Variants in AK3 observed in about 807,000 individuals in gnomAD.
AK3 encodes the protein GTP:AMP phosphotransferase AK3, mitochondrial.
In AK3, 27 loss-of-function variants were observed where a neutral mutation model predicts 23.7. The observed-to-expected ratio is 1.14, with a 90% CI of 0.84 to 1.57. AK3 has a LOEUF of 1.57. AK3 is among the 40% of genes most tolerant of loss of function. The pLI is 0.00. For synonymous variants in AK3, 159 were observed against 116.0 expected (o/e 1.37, Z -2.38); for missense variants, 406 against 285.6 (o/e 1.42, Z -3.04).
chr9:4,717,961 T>G (rs185604423), intron 4 of AK3, among the ~76,000 whole-genome samples: 20 of 152,324 alleles, frequency 1.3e-4, no homozygotes, highest in Admixed American at 1.3e-3. Flanking sequence ...GTGGAATCCT[T>G]CCCACCCCAA....
upstream of AK3, chr9:4,741,827 GGACCGCCAGA>G (rs1842442098): frequency 2.2e-5 from 3 of 139,364 alleles, no homozygotes; most frequent in Admixed American, 7.0e-5. Context: ...CTACCCCCCT[GGACCGCCAGA>G]CCCCCCGCTT....
rs1044100768 is a variant in AK3 at position 4,721,607 on chromosome 9, C to T, written c.271+899G>A. On this transcript the variant is annotated intron_variant, in intron 2 of 4. Coordinates refer to ENST00000381809, the MANE Select transcript of AK3 (RefSeq NM_016282.4). ...CCGAGTAGCTAGGGTTACAGGTGTG[C>T]GCCATCACGCCCGGCTAATTTTTGT... 4.6e-5 allele frequency among the ~76,000 whole-genome samples: 7 copies of T among 152,022 alleles called. No homozygotes were observed. The East Asian group carries it at 9.8e-4, about 21-fold the overall frequency.
rs192280404 is a variant in AK3 at position 4,717,524 on chromosome 9, C to T, written c.563+895G>A. Among the ~76,000 whole-genome samples the T allele has an allele frequency of 1.1e-3, 171 of 152,302 alleles. 1 individual carries two copies. The highest frequency in any genetic ancestry group is 1.9e-3 in the Non-Finnish European group (128 of 68,030). On this transcript the variant is annotated intron_variant, in intron 4 of 4. Coordinates refer to ENST00000381809, the MANE Select transcript of AK3 (RefSeq NM_016282.4). ...AATGTGGTGGGCAATATTAAGTTTG[C>T]CTCCCCAGCATTCATTCCAGCCCTG...
At position 4,739,242 on chromosome 9, in the gene AK3, G is replaced by C. The variant is rs148745348; in HGVS notation, c.151+1695C>G. ...GAGATGGGGTCTTGCTCAGGCTGGA[G>C]TGCAGCGTTGCAATCTCGACTCACA... On this transcript the variant is annotated intron_variant, in intron 1 of 4. Transcript: ENST00000381809. Among the ~76,000 whole-genome samples, 215 of 151,750 alleles carry C rather than the reference G, an allele frequency of 1.4e-3. 1 individual carries two copies. In the Middle Eastern group the frequency reaches 0.034, roughly 24 times the overall value.
chr9:4,731,127 T>G (rs1842143259), intron 1 of AK3, among the ~76,000 whole-genome samples: 1 of 152,224 alleles, frequency 6.6e-6, no homozygotes, highest in African/African-American at 2.4e-5. Flanking sequence ...GTTTTATAAT[T>G]TCTATTATAA....
At chr9:4,715,391 C>CTT (rs35400602) in intron 4 of AK3, among the ~76,000 whole-genome samples, 51,494 of 126,920 alleles carry the variant, frequency 0.41, 13,116 homozygotes, top group African/African-American at 0.7. Context: ...TCCCTTACTA[C>CTT]TTTTTTTTTT....
At chr9:4,738,238 TCGCTG>T (rs1842342328) in intron 1 of AK3, among the ~76,000 whole-genome samples, 1 of 152,230 alleles carries the variant, frequency 6.6e-6, no homozygotes, top group Non-Finnish European at 1.5e-5. Context: ...CCATCTCGGC[TCGCTG>T]CAACCTCCGC....
intron 2 of AK3, 107 bp downstream of exon 2, chr9:4,722,399 T>G (rs1841921611): frequency 6.6e-7 from 1 of 1,516,882 alleles, no homozygotes; most frequent in East Asian, 2.3e-5. Flanking sequence ...AGCACCCCTC[T>G]CCCCAAACCA....
chr9:4,735,845 T>G (rs1171585129), intron 1 of AK3, among the ~76,000 whole-genome samples: 2 of 152,082 alleles, frequency 1.3e-5, no homozygotes, highest in Admixed American at 6.5e-5. Flanking sequence ...CCAGGTGCAG[T>G]AGCTCACGCC....
At chr9:4,715,701 C>T (rs1841708473) in intron 4 of AK3, among the ~76,000 whole-genome samples, 1 of 152,094 alleles carries the variant, frequency 6.6e-6, no homozygotes, top group Non-Finnish European at 1.5e-5. Flanking sequence ...CAGGCCCCTT[C>T]CCATATTTTG....
chr9:4,732,585 C>A (rs1438088525), intron 1 of AK3, among the ~76,000 whole-genome samples: 1 of 152,090 alleles, frequency 6.6e-6, no homozygotes, highest in Non-Finnish European at 1.5e-5. Flanking sequence ...CAAAGTTATA[C>A]ACAAAAGTAG....
At chr9:4,722,035 C>A (rs1040241671) in intron 2 of AK3, among the ~76,000 whole-genome samples, 1 of 152,190 alleles carries the variant, frequency 6.6e-6, no homozygotes, top group Non-Finnish European at 1.5e-5. Flanking sequence ...TGACTCAGAT[C>A]TTCTTGAAGA....
Position 4,718,523 on chromosome 9 carries a change from C to G in AK3, c.459G>C (p.Leu153=). 6.2e-7 allele frequency: 1 copy of G among 1,613,424 alleles called. No individual in the cohort carries two copies. The highest frequency in any genetic ancestry group is 8.5e-7 in the Non-Finnish European group (1 of 1,179,520). ...CACGCTGAATGAGAGGCTCCCCAGT[C>G]AGGTCATCAATGCCCTAAACAGGAT... The part of the protein sequence containing the change: ...NPPKTVGIDD[L]TGEPLIQRED... Residue 153 remains leucine (L), a synonymous_variant, in exon 4 of 5, where the codon CTG becomes CTC. Coordinates refer to ENST00000381809, the MANE Select transcript of AK3 (RefSeq NM_016282.4).
chr9:4,710,798 T>C lies in AK3; in HGVS notation c.*2178A>G, dbSNP rs301490. The C allele has an allele frequency of 0.4, 60,919 of 151,834 alleles. 13,296 individuals are homozygous for C. The highest frequency in any genetic ancestry group is 0.57 in the African/African-American group (23,719 of 41,370). The allele number at this position is 151,834 out of a possible 1,614,324, so 9.4% of individuals were successfully genotyped here. On this transcript the variant is annotated 3_prime_UTR_variant, in exon 5 of 5. Coordinates refer to ENST00000381809, the MANE Select transcript of AK3 (RefSeq NM_016282.4). ...GGTGGTACATACCTGTAGTTTCAGC[T>C]ACTTGGGAGGCTGAGGTAGAAGAAT...
chr9:4,740,797 G>T, intron 1 of AK3, 140 bp downstream of exon 1: 1 of 1,129,918 alleles, frequency 8.9e-7, no homozygotes, highest in Non-Finnish European at 1.2e-6. Context: ...TCGCTCAGCA[G>T]CCCGAGGTCT....
chr9:4,716,922 C>A lies in AK3; in HGVS notation c.563+1497G>T, dbSNP rs1841752064. ...CTCCAACCTGGGTGACAGAGTGAGA[C>A]CCTGTCTCTAAAATAAATAAATAAA... On this transcript the variant is annotated intron_variant, in intron 4 of 4. Transcript: ENST00000381809. Among the ~76,000 whole-genome samples, 4 of 152,236 alleles carry A rather than the reference C, an allele frequency of 2.6e-5. No homozygotes were observed. In the South Asian group the frequency reaches 8.3e-4, roughly 32 times the overall value.
chr9:4,733,877 A>G (rs1019722869), intron 1 of AK3, among the ~76,000 whole-genome samples: 3 of 152,114 alleles, frequency 2.0e-5, no homozygotes, highest in Non-Finnish European at 4.4e-5. Flanking sequence ...CACACACCCT[A>G]AACGGCCCTT....
chr9:4,741,035 G>C lies in AK3; in HGVS notation c.53C>G (p.Ser18Trp), dbSNP rs773321603. 2 of 1,579,776 alleles carry C rather than the reference G, an allele frequency of 1.3e-6. No homozygotes were observed. The highest frequency in any genetic ancestry group is 1.7e-6 in the Non-Finnish European group (2 of 1,165,472). The change falls in exon 1 of 5, where the codon TCG becomes TGG. Residue 18 changes from serine to tryptophan, a missense_variant. Physicochemically the swap from Ser to Trp is radical, Grantham distance 177 (BLOSUM62 -3). Transcript: ENST00000381809. ...GCGCGACGACACGGTGCCCTTGCCC[G>C]AGCCCGGGGCCCCCATGATCACCGC... Reference protein sequence around the residue: ...LRAVIMGAPGSGKGTVSSRIT... With the variant: ...LRAVIMGAPGWGKGTVSSRIT...
In AK3 at chr9:4,711,001, G is replaced by C. The variant is rs147050579; in HGVS notation, c.*1975C>G. On this transcript the variant is annotated 3_prime_UTR_variant, in exon 5 of 5. Transcript: ENST00000381809. ...ACTTTGGGCTAAGTGTTTGCGGGTG[G>C]GGAGGGAATGGTCACAGGAAATAAG... 2.6e-5 allele frequency: 4 copies of C among 152,206 alleles called. No individual in the cohort carries two copies. Among genetic ancestry groups the C allele is most frequent in the African/African-American group, 9.7e-5 (4 of 41,444 alleles). The allele number at this position is 152,206 out of a possible 1,614,324, so 9.4% of individuals were successfully genotyped here.
Sources: allele counts gnomAD v4.1 joint callset (sites outside exome capture counted in the v4.1 genomes callset), GRCh38; gene constraint gnomAD v4.1.1; transcripts MANE v1.5; gene names NCBI Gene and HGNC (gene_info 2026-07-23, HGNC 2026-07-21).